Variants in PRKCA observed in about 807,000 individuals in gnomAD.
PRKCA encodes the protein protein kinase C alpha.
A neutral mutation model predicts 87.0 loss-of-function variants in PRKCA; 27 were observed. The observed-to-expected ratio is 0.31, with a 90% CI of 0.23 to 0.43. PRKCA has a LOEUF of 0.43. Ranked by LOEUF, PRKCA falls within the 20% of genes least tolerant of loss-of-function variation. The pLI is 1.00. For missense variants in PRKCA, 518 were observed against 852.3 expected (o/e 0.61, Z 4.88); for synonymous variants, 329 against 311.1 (o/e 1.06, Z -0.61).
intron 14 of PRKCA, among the ~76,000 whole-genome samples, chr17:66,783,508 A>G (rs1309567974): frequency 6.6e-6 from 1 of 152,168 alleles, no homozygotes; most frequent in East Asian, 1.9e-4. Flanking sequence ...TGATACAGCC[A>G]TTCACCTTCA....
intron 8 of PRKCA, among the ~76,000 whole-genome samples, chr17:66,729,278 C>T (rs899876488): frequency 3.3e-5 from 5 of 152,062 alleles, no homozygotes; most frequent in Non-Finnish European, 7.3e-5. Flanking sequence ...GTGGTGTGCA[C>T]GTGTAATCCC....
chr17:66,411,463 A>G (rs1189530231), intron 2 of PRKCA, among the ~76,000 whole-genome samples: 1 of 152,112 alleles, frequency 6.6e-6, no homozygotes, highest in African/African-American at 2.4e-5. Flanking sequence ...TTGTTAAAAA[A>G]ACAAAAAACC....
At chr17:66,376,143 C>T (rs1909403541) in intron 2 of PRKCA, among the ~76,000 whole-genome samples, 1 of 152,144 alleles carries the variant, frequency 6.6e-6, no homozygotes, top group African/African-American at 2.4e-5. Flanking sequence ...TTTCCTGGGC[C>T]CTGCTGAAGC....
intron 3 of PRKCA, among the ~76,000 whole-genome samples, chr17:66,562,635 C>T (rs1046470599): frequency 2.0e-5 from 3 of 151,778 alleles, no homozygotes; most frequent in African/African-American, 7.3e-5. Flanking sequence ...CTCACTGAGT[C>T]ACCCAGGCTG....
At chr17:66,777,976 T>G in intron 14 of PRKCA, 4 of 985,316 alleles carry the variant, frequency 4.1e-6, no homozygotes, top group Non-Finnish European at 4.8e-6. Flanking sequence ...AAGTCCCCTT[T>G]GGGGGGTGCA....
rs577550343 is a variant in PRKCA at position 66,793,547 on chromosome 17, G to A, written c.1854+4568G>A. On this transcript the variant is annotated intron_variant, in intron 16 of 16. Transcript: ENST00000413366. ...GGAAGTTGCAGTGAGCCCAGATTGC[G>A]TCATTGCACTACAGCCTGGGCGACA... Among the ~76,000 whole-genome samples the A allele has an allele frequency of 1.5e-4, 20 of 134,800 alleles. No homozygotes were observed. The East Asian group carries it at 2.1e-3, about 14-fold the overall frequency. The allele number at this position is 134,800 out of a possible 152,430, so 88.4% of individuals were successfully genotyped here. A position where few individuals can be genotyped will look rare whatever the true frequency, so the allele number is the denominator to read the frequency against.
intron 8 of PRKCA, among the ~76,000 whole-genome samples, chr17:66,708,658 A>G (rs908948521): frequency 7.9e-5 from 12 of 152,164 alleles, no homozygotes; most frequent in African/African-American, 2.9e-4. Flanking sequence ...GGAACCTCCT[A>G]AAGTCATGCC....
At chr17:66,403,011 A>G (rs1329890121) in intron 2 of PRKCA, among the ~76,000 whole-genome samples, 1 of 152,106 alleles carries the variant, frequency 6.6e-6, no homozygotes. Context: ...AGTCACATTT[A>G]TTGATTGATT....
chr17:66,524,211 C>T (rs16959511), intron 3 of PRKCA, among the ~76,000 whole-genome samples: 19,904 of 152,158 alleles, frequency 0.13, 1,716 homozygotes, highest in East Asian at 0.3. Flanking sequence ...ACTGTGTGCC[C>T]TGATTTTCAA....
rs1976043056 is a variant in PRKCA at position 66,806,856 on chromosome 17, A to C, written c.*2819A>C. The C allele has an allele frequency of 6.6e-6, 1 of 152,246 alleles. No individual in the cohort carries two copies. The highest frequency in any genetic ancestry group is 1.5e-5 in the Non-Finnish European group (1 of 68,130). The allele number at this position is 152,246 out of a possible 1,614,324, so 9.4% of individuals were successfully genotyped here. On this transcript the variant is annotated 3_prime_UTR_variant, in exon 17 of 17. Transcript: ENST00000413366. ...TGAGGGACAACAGACATCAGAACAA[A>C]CCCCCAGAGAGAAACAGTCAAAATC...
intron 8 of PRKCA, among the ~76,000 whole-genome samples, chr17:66,699,244 A>G (rs994950532): frequency 6.6e-6 from 1 of 151,862 alleles, no homozygotes; most frequent in African/African-American, 2.4e-5. Flanking sequence ...TAACAAAACT[A>G]AGAGTTGATT....
chr17:66,673,285 G>C (rs533470422), intron 5 of PRKCA, among the ~76,000 whole-genome samples: 2 of 152,294 alleles, frequency 1.3e-5, no homozygotes, highest in African/African-American at 4.8e-5. Context: ...TGTTCCAGTA[G>C]AATTTTGGTT....
Position 66,791,302 on chromosome 17 carries a change from C to A in PRKCA, c.1854+2323C>A, listed in dbSNP as rs555201324. On this transcript the variant is annotated intron_variant, in intron 16 of 16. Coordinates refer to ENST00000413366, the MANE Select transcript of PRKCA (RefSeq NM_002737.3). ...ACTGGAGGTTTCATGCAAAAGGCCC[C>A]GCTTGGTAAAAGCTCTGGCCAGAAG... 1.8e-4 allele frequency among the ~76,000 whole-genome samples: 28 copies of A among 152,166 alleles called. No homozygotes were observed. The East Asian group carries it at 5.0e-3, about 27-fold the overall frequency.
rs373987873 is a variant in PRKCA at position 66,807,799 on chromosome 17, C to G, written c.*3762C>G. ...GGATGCAGACTTCCAGAGAGCCCCCCCAACGGACGTGCTGAGAAGGGAGAG... is the reference window on the plus strand; with the variant it reads ...GGATGCAGACTTCCAGAGAGCCCCCGCAACGGACGTGCTGAGAAGGGAGAG... On this transcript the variant is annotated 3_prime_UTR_variant, in exon 17 of 17. Coordinates refer to ENST00000413366, the MANE Select transcript of PRKCA (RefSeq NM_002737.3). This position sits in a 1 kb window ranked among gnomAD's most constrained non-coding sequence, Gnocchi z 4.3. 9.2e-5 allele frequency: 14 copies of G among 152,328 alleles called. No individual in the cohort carries two copies. Among genetic ancestry groups the G allele is most frequent in the South Asian group, 2.1e-4 (1 of 4,822 alleles). The allele number at this position is 152,328 out of a possible 1,614,324, so 9.4% of individuals were successfully genotyped here. A position where few individuals can be genotyped will look rare whatever the true frequency, so the allele number is the denominator to read the frequency against.
At chr17:66,419,625 C>G (rs956579952) in intron 2 of PRKCA, among the ~76,000 whole-genome samples, 9 of 152,218 alleles carry the variant, frequency 5.9e-5, no homozygotes, top group African/African-American at 2.2e-4. Context: ...TGTCTTTAGT[C>G]ACTTGATGTG....
At chr17:66,617,256 G>T (rs1461804277) in intron 3 of PRKCA, among the ~76,000 whole-genome samples, 1 of 152,092 alleles carries the variant, frequency 6.6e-6, no homozygotes, top group Non-Finnish European at 1.5e-5. Context: ...ACCTACCTCG[G>T]TATGGGCTGT....
At position 66,750,154 on chromosome 17, in the gene PRKCA, G is replaced by A. The variant is rs185636017; in HGVS notation, c.1524+7394G>A. Among the ~76,000 whole-genome samples the A allele has an allele frequency of 1.2e-4, 19 of 152,032 alleles. No individual in the cohort carries two copies. In the East Asian group the frequency reaches 2.7e-3, roughly 22 times the overall value. On this transcript the variant is annotated intron_variant, in intron 13 of 16. Transcript: ENST00000413366. ...AAAGGGGGAGAATGAGATACAGGGA[G>A]AGAAAAGCCAATCAGCACCAGCAAT...
At chr17:66,546,251 CT>C (rs1431362753) in intron 3 of PRKCA, among the ~76,000 whole-genome samples, 1 of 152,016 alleles carries the variant, frequency 6.6e-6, no homozygotes, top group East Asian at 1.9e-4. Context: ...CTTTTTCCTT[CT>C]GTTGGGATGA....
At chr17:66,554,010 A>G (rs920513866) in intron 3 of PRKCA, among the ~76,000 whole-genome samples, 5 of 152,182 alleles carry the variant, frequency 3.3e-5, no homozygotes, top group African/African-American at 1.2e-4. Flanking sequence ...GGTTATTAAA[A>G]TGATGGGGCT....
Sources: gnomAD v4.1 joint callset for allele counts (sites outside exome capture counted in the v4.1 genomes callset) on GRCh38, gnomAD v4.1.1 for gene constraint, Gnocchi (gnomAD v3.1) non-coding constraint, MANE v1.5 for transcripts, NCBI Gene and HGNC (gene_info 2026-07-23, HGNC 2026-07-21) for gene names.